The following RORA variants were observed in gnomAD, a reference collection of about 807,000 sequenced individuals.
RORA encodes the protein RAR related orphan receptor A.
A neutral mutation model predicts 69.5 loss-of-function variants in RORA; 7 were observed. The observed-to-expected ratio is 0.10, with a 90% CI of 0.06 to 0.19. The LOEUF is 0.19. Among genes scored for constraint, RORA ranks in the 10% least tolerant of loss-of-function variants. RORA has a pLI of 1.00. For synonymous variants in RORA, 261 were observed against 240.8 expected (o/e 1.08, Z -0.78); for missense variants, 457 against 663.0 (o/e 0.69, Z 3.41).
At chr15:61,002,456 T>C (rs1894772781) in intron 1 of RORA, among the ~76,000 whole-genome samples, 2 of 152,198 alleles carry the variant, frequency 1.3e-5, no homozygotes, top group Non-Finnish European at 2.9e-5. Flanking sequence ...CTCGATTCAA[T>C]AGAAGCAGCA....
chr15:60,574,078 G>A (rs1425829089), intron 2 of RORA, among the ~76,000 whole-genome samples: 1 of 152,230 alleles, frequency 6.6e-6, no homozygotes, highest in African/African-American at 2.4e-5. Context: ...GGAACAATGT[G>A]AGTTTCTGAG....
chr15:60,526,589 A>G (rs1316007934), intron 3 of RORA, among the ~76,000 whole-genome samples: 3 of 152,196 alleles, frequency 2.0e-5, no homozygotes, highest in African/African-American at 7.2e-5. Context: ...CTAAACAAAA[A>G]TTTTCGCTTA....
chr15:60,718,122 G>A (rs1057209711), intron 1 of RORA, among the ~76,000 whole-genome samples: 4 of 152,084 alleles, frequency 2.6e-5, no homozygotes, highest in African/African-American at 4.8e-5. Flanking sequence ...TAGGACCTTC[G>A]TAACAGCAAA....
chr15:60,749,873 A>T (rs2071699686), intron 1 of RORA, among the ~76,000 whole-genome samples: 1 of 152,086 alleles, frequency 6.6e-6, no homozygotes, highest in South Asian at 2.1e-4. Context: ...ACTACAAATT[A>T]CAAAAAATTA....
In RORA at chr15:61,197,447, C is replaced by T. The variant is rs184190051; in HGVS notation, c.166+31606G>A. Among the ~76,000 whole-genome samples the T allele has an allele frequency of 2.6e-3, 393 of 152,286 alleles. 2 individuals carry two copies. Among genetic ancestry groups the T allele is most frequent in the Non-Finnish European group, 2.2e-3 (151 of 68,024 alleles). On this transcript the variant is annotated intron_variant, in intron 1 of 10. Transcript: ENST00000335670. ...GTCATGTGGCTCACGAGGAGCCCAT[C>T]CATCTTCCTGCACCTCAGGTTTGCC...
intron 4 of RORA, among the ~76,000 whole-genome samples, chr15:60,513,985 C>T (rs1022203264): frequency 8.5e-5 from 13 of 152,164 alleles, no homozygotes; most frequent in Non-Finnish European, 1.2e-4. Flanking sequence ...GTTGATTATT[C>T]AGTGCACTTA....
At chr15:61,070,295 A>G (rs2078322447) in intron 1 of RORA, among the ~76,000 whole-genome samples, 1 of 152,188 alleles carries the variant, frequency 6.6e-6, no homozygotes, top group African/African-American at 2.4e-5. Flanking sequence ...GGGATCCTAG[A>G]TACCTGGTAC....
intron 2 of RORA, among the ~76,000 whole-genome samples, chr15:60,649,694 G>T (rs1048267688): frequency 6.6e-6 from 1 of 152,162 alleles, no homozygotes; most frequent in African/African-American, 2.4e-5. Flanking sequence ...TTTTCTCCCT[G>T]TGTTGTTCTT....
intron 1 of RORA, among the ~76,000 whole-genome samples, chr15:60,868,477 A>G (rs1052377519): frequency 1.3e-5 from 2 of 152,168 alleles, no homozygotes; most frequent in Non-Finnish European, 2.9e-5. Flanking sequence ...TAGCTTAAGT[A>G]CACTTCCAAA....
At chr15:60,517,110 C>CTTTTTTTT (rs34707279) in intron 3 of RORA, among the ~76,000 whole-genome samples, 76 of 141,264 alleles carry the variant, frequency 5.4e-4, no homozygotes, top group African/African-American at 2.1e-3. Context: ...TTCATCTGTG[C>CTTTTTTTT]TTTTTTTTTT....
At chr15:60,597,581 T>A (rs1567115373) in intron 2 of RORA, among the ~76,000 whole-genome samples, 4 of 21,052 alleles carry the variant, frequency 1.9e-4, no homozygotes, top group Non-Finnish European at 3.3e-4. Flanking sequence ...TATACACATA[T>A]ATATATATAT....
rs150140770 is a variant in RORA, at chr15:61,223,855, T to C, written c.166+5198A>G. ...TAGAGAAAAATCATGGTTTACTGTG[T>C]ATTAATCAACACTTAAACACTGATT... On this transcript the variant is annotated intron_variant, in intron 1 of 10. Coordinates refer to ENST00000335670, the MANE Select transcript of RORA (RefSeq NM_134261.3). Among the ~76,000 whole-genome samples, 91 of 152,320 alleles carry C rather than the reference T, an allele frequency of 6.0e-4. 1 individual carries two copies. In the East Asian group the frequency reaches 0.016, roughly 27 times the overall value.
intron 1 of RORA, among the ~76,000 whole-genome samples, chr15:60,968,194 T>C (rs1053521043): frequency 6.6e-6 from 1 of 152,170 alleles, no homozygotes; most frequent in African/African-American, 2.4e-5. Flanking sequence ...AACTCTGAGA[T>C]GCACTCTAAG....
chr15:61,122,548 A>G (rs2079113024), intron 1 of RORA, among the ~76,000 whole-genome samples: 1 of 152,194 alleles, frequency 6.6e-6, no homozygotes, highest in Non-Finnish European at 1.5e-5. Flanking sequence ...ATATGGCTGT[A>G]TAACGTTTAA....
rs367732542 is a variant in RORA at position 60,588,279 on chromosome 15, T to G, written c.197-56428A>C. Among the ~76,000 whole-genome samples the G allele has an allele frequency of 1.8e-4, 28 of 152,352 alleles. No individual in the cohort carries two copies. The South Asian group carries it at 2.1e-3, about 11-fold the overall frequency. On this transcript the variant is annotated intron_variant, in intron 2 of 10. Transcript: ENST00000335670. ...AATATGAAATACATAAAGGCAGCCTTGATTTCTTACTAATAAGTGCTGTAA... is the reference window on the plus strand; with the variant it reads ...AATATGAAATACATAAAGGCAGCCTGGATTTCTTACTAATAAGTGCTGTAA...
intron 1 of RORA, among the ~76,000 whole-genome samples, chr15:60,847,502 C>T (rs539168907): frequency 6.6e-6 from 1 of 152,066 alleles, no homozygotes; most frequent in Non-Finnish European, 1.5e-5. Flanking sequence ...CTGTTCATTG[C>T]TTTTCTGAAC....
intron 1 of RORA, among the ~76,000 whole-genome samples, chr15:61,191,870 T>G (rs2140915961): frequency 6.6e-6 from 1 of 152,336 alleles, no homozygotes; most frequent in South Asian, 2.1e-4. Flanking sequence ...AAAAATTAGG[T>G]CTGTAGAGTG....
intron 1 of RORA, among the ~76,000 whole-genome samples, chr15:60,961,924 C>T (rs183564144): frequency 4.5e-4 from 69 of 152,220 alleles, no homozygotes; most frequent in African/African-American, 1.6e-3. Context: ...ACACGGAAGG[C>T]CTGCGAATAT....
At chr15:61,135,473 T>C (rs1323612001) in intron 1 of RORA, among the ~76,000 whole-genome samples, 2 of 151,954 alleles carry the variant, frequency 1.3e-5, no homozygotes, top group Admixed American at 1.3e-4. Flanking sequence ...CAATAAAGCC[T>C]ATTTTGTTTC....
Sources: allele counts gnomAD v4.1 joint callset (sites outside exome capture counted in the v4.1 genomes callset), GRCh38; gene constraint gnomAD v4.1.1; transcripts MANE v1.5; gene names NCBI Gene and HGNC (gene_info 2026-07-23, HGNC 2026-07-21).